Variants in FLT3 observed in about 807,000 individuals in gnomAD.
FLT3 encodes the protein receptor-type tyrosine-protein kinase FLT3.
Under a neutral mutation model 126.6 loss-of-function variants are expected in FLT3, and 46 were observed. The observed-to-expected ratio is 0.36, with a 90% CI of 0.29 to 0.46. The LOEUF is 0.46. Ranked by LOEUF, FLT3 falls within the 20% of genes least tolerant of loss-of-function variation. FLT3 has a pLI of 1.00. For synonymous variants in FLT3, 404 were observed against 434.4 expected (o/e 0.93, Z 0.87); for missense variants, 1,069 against 1,190.3 (o/e 0.90, Z 1.50).
intron 1 of FLT3, among the ~76,000 whole-genome samples, chr13:28,079,058 C>T (rs1302643397): frequency 1.3e-5 from 2 of 152,160 alleles, no homozygotes; most frequent in Admixed American, 6.6e-5. Flanking sequence ...ATTTTCCCAA[C>T]TTTTATGCTC....
chr13:28,014,334 A>AG, intron 23 of FLT3, 118 bp downstream of exon 23: 2 of 710,598 alleles, frequency 2.8e-6, no homozygotes, highest in Non-Finnish European at 4.9e-6. Flanking sequence ...AGGGCAACCC[A>AG]GAAAAACTGC....
At chr13:28,018,612 G>T in intron 19 of FLT3, 23 bp from the exon 20 acceptor site, 1 of 1,612,876 alleles carries the variant, frequency 6.2e-7, no homozygotes, top group African/African-American at 1.3e-5. Flanking sequence ...ACACCAGAGT[G>T]TTATTTACTG....
chr13:28,089,958 C>G (rs1878925337), intron 1 of FLT3, among the ~76,000 whole-genome samples: 1 of 151,780 alleles, frequency 6.6e-6, no homozygotes, highest in Non-Finnish European at 1.5e-5. Context: ...CCAGGCTGGT[C>G]TCAAACTCCT....
At chr13:28,062,183 C>T (rs1323798792) in intron 2 of FLT3, 114 bp from the exon 3 acceptor site, 3 of 717,230 alleles carry the variant, frequency 4.2e-6, no homozygotes, top group African/African-American at 3.5e-5. Flanking sequence ...CACGCAACAC[C>T]CACACAAGCT....
chr13:28,066,341 G>C (rs1877036470), intron 2 of FLT3, among the ~76,000 whole-genome samples: 1 of 152,152 alleles, frequency 6.6e-6, no homozygotes, highest in South Asian at 2.1e-4. Context: ...AGCAGCAATG[G>C]GCACACCCAA....
chr13:28,035,865 T>G, intron 11 of FLT3, 70 bp downstream of exon 11: 1 of 1,312,078 alleles, frequency 7.6e-7, no homozygotes, highest in East Asian at 2.3e-5. Context: ...TAAACTGTAT[T>G]CATGAAAGAG....
chr13:28,091,749 A>C (rs2137828738), intron 1 of FLT3, among the ~76,000 whole-genome samples: 1 of 152,188 alleles, frequency 6.6e-6, no homozygotes, highest in Admixed American at 6.5e-5. Flanking sequence ...AGCCTGGGTA[A>C]CACAGCAAGA....
At chr13:28,074,070 C>A (rs1268832820) in intron 1 of FLT3, among the ~76,000 whole-genome samples, 1 of 152,132 alleles carries the variant, frequency 6.6e-6, no homozygotes. Context: ...CCCATTCCCC[C>A]ACACCCAAGC....
intron 1 of FLT3, among the ~76,000 whole-genome samples, chr13:28,080,787 G>T (rs1483431614): frequency 1.3e-5 from 2 of 151,994 alleles, no homozygotes; most frequent in Admixed American, 1.3e-4. Flanking sequence ...TTATATTTAG[G>T]TCTATGATCC....
chr13:28,086,303 A>G (rs1015105558), intron 1 of FLT3, among the ~76,000 whole-genome samples: 1 of 152,192 alleles, frequency 6.6e-6, no homozygotes, highest in African/African-American at 2.4e-5. Context: ...CATGTTTACC[A>G]TAACACAGTC....
At chr13:28,018,667 T>C in intron 19 of FLT3, 78 bp from the exon 20 acceptor site, 2 of 1,505,850 alleles carry the variant, frequency 1.3e-6, no homozygotes, top group South Asian at 2.4e-5. Flanking sequence ...TAGACTCAAC[T>C]TCAGTAGGAG....
chr13:28,040,383 G>T (rs1307325118), intron 9 of FLT3, among the ~76,000 whole-genome samples: 3 of 152,114 alleles, frequency 2.0e-5, no homozygotes, highest in African/African-American at 4.8e-5. Flanking sequence ...GGCTAGATTG[G>T]ATACAGAAGA....
intron 2 of FLT3, among the ~76,000 whole-genome samples, chr13:28,063,207 T>C (rs7993161): frequency 0.96 from 146,889 of 152,254 alleles, 70,973 homozygotes; most frequent in East Asian, 1. Context: ...GGCCAGGCGC[T>C]ATGGCTCACG....
chr13:28,088,584 CT>C (rs34680883), intron 1 of FLT3, among the ~76,000 whole-genome samples: 1,400 of 103,306 alleles, frequency 0.014, 14 homozygotes, highest in African/African-American at 0.047. Flanking sequence ...CATCCAAAAC[CT>C]TTTTTTTTTT....
At position 28,042,693 on chromosome 13, in the gene FLT3, G is replaced by A. The variant is rs1174675183; in HGVS notation, c.1206-5405C>T. Among the ~76,000 whole-genome samples the A allele has an allele frequency of 2.0e-5, 3 of 152,246 alleles. No homozygotes were observed. In the South Asian group the frequency reaches 6.2e-4, roughly 32 times the overall value. On this transcript the variant is annotated intron_variant, in intron 9 of 23. Transcript: ENST00000241453. ...TCACAGAATGGCTTCTTAAGATGTG[G>A]TTAATAACTTACAACTGAGTGGGGT... is the stretch of plus-strand genomic sequence containing the variant.
At chr13:28,056,992 C>A (rs1315331136) in intron 4 of FLT3, among the ~76,000 whole-genome samples, 2 of 152,144 alleles carry the variant, frequency 1.3e-5, no homozygotes, top group Non-Finnish European at 2.9e-5. Flanking sequence ...GAAATTGTGA[C>A]CTGCCATAGG....
In FLT3 at chr13:28,003,661, A is replaced by T. The variant is rs1870630444; in HGVS notation, c.*391T>A. ...CCACCCATAAAATATATCACTAAAT[A>T]GCTGAAAAATTTACATATTATTTTA... is the stretch of plus-strand genomic sequence containing the variant. On this transcript the variant is annotated 3_prime_UTR_variant, in exon 24 of 24. Transcript: ENST00000241453. 1.6e-5 allele frequency: 4 copies of T among 254,694 alleles called. No individual in the cohort carries two copies. In the South Asian group the frequency reaches 5.2e-4, roughly 33 times the overall value. 15.8% of individuals were successfully genotyped at this position (254,694 alleles called of 1,614,324 possible).
Position 28,063,404 on chromosome 13 carries a change from T to C in FLT3, c.166-1335A>G, listed in dbSNP as rs186796242. ...CTGAGGCAGGAGAATCACTTGAACCTGGGAGATGGAGGTTGCAATGAGCCT... is the reference window on the plus strand; with the variant it reads ...CTGAGGCAGGAGAATCACTTGAACCCGGGAGATGGAGGTTGCAATGAGCCT... On this transcript the variant is annotated intron_variant, in intron 2 of 23. Coordinates refer to ENST00000241453, the MANE Select transcript of FLT3 (RefSeq NM_004119.3). 6.4e-4 allele frequency among the ~76,000 whole-genome samples: 98 copies of C among 152,188 alleles called. 1 individual carries two copies. The East Asian group carries it at 0.016, about 25-fold the overall frequency.
At chr13:28,018,443 A>T (rs764776316) in intron 20 of FLT3, 24 bp downstream of exon 20, 1 of 1,613,236 alleles carries the variant, frequency 6.2e-7, no homozygotes, top group Non-Finnish European at 8.5e-7. Flanking sequence ...CCGTATAAAA[A>T]TAAGTAGGAA....
Sources: gnomAD v4.1 joint callset for allele counts (sites outside exome capture counted in the v4.1 genomes callset) on GRCh38, gnomAD v4.1.1 for gene constraint, MANE v1.5 for transcripts, NCBI Gene and HGNC (gene_info 2026-07-23, HGNC 2026-07-21) for gene names.